Variants in CACNB2 observed in about 807,000 individuals in gnomAD.
The protein encoded by CACNB2 is calcium voltage-gated channel auxiliary subunit beta 2, also known as voltage-dependent L-type calcium channel subunit beta-2.
Under a neutral mutation model 73.3 loss-of-function variants are expected in CACNB2, and 42 were observed. The ratio of observed to expected loss-of-function variants is 0.57; its 90% CI spans 0.45 to 0.74. The LOEUF (loss-of-function observed/expected upper bound fraction) is 0.74, where lower values mean the gene tolerates loss of function less well. Ranked by LOEUF, CACNB2 falls within the 30% of genes least tolerant of loss-of-function variation. The pLI, the probability that CACNB2 is intolerant of heterozygous loss-of-function variation, is 0.00. For missense variants in CACNB2, 940 were observed against 853.0 expected (o/e 1.10, Z -1.27); for synonymous variants, 348 against 310.3 (o/e 1.12, Z -1.28).
At chr10:18,227,074 T>A (rs1468025796) in intron 2 of CACNB2, among the ~76,000 whole-genome samples, 1 of 152,176 alleles carries the variant, frequency 6.6e-6, no homozygotes, top group Non-Finnish European at 1.5e-5. Context: ...ATCTCCCTTC[T>A]GAAAAGACCA....
chr10:18,416,899 T>A (rs1042310394), intron 3 of CACNB2, among the ~76,000 whole-genome samples: 8 of 151,496 alleles, frequency 5.3e-5, no homozygotes, highest in African/African-American at 1.9e-4. Context: ...TTGCCCAAGC[T>A]CACTGAGCTC....
chr10:18,477,098 T>A (rs2048481459), intron 3 of CACNB2, among the ~76,000 whole-genome samples: 1 of 152,088 alleles, frequency 6.6e-6, no homozygotes, highest in South Asian at 2.1e-4. Flanking sequence ...TAGCCTTTGG[T>A]CCTTTTGTTA....
In CACNB2 at chr10:18,172,075, A is replaced by G. The variant is rs191446164; in HGVS notation, c.213+21100A>G. ...AGGATCTTGGCATGTTTCAAGGGCA[A>G]AAAGTGGTGGGGCACAGTGTCCCAG... On this transcript the variant is annotated intron_variant, in intron 2 of 13. Coordinates refer to ENST00000324631, the MANE Select transcript of CACNB2 (RefSeq NM_201596.3). 2.9e-3 allele frequency among the ~76,000 whole-genome samples: 440 copies of G among 152,288 alleles called. 1 individual carries two copies. Among genetic ancestry groups the G allele is most frequent in the Non-Finnish European group, 5.1e-3 (348 of 68,016 alleles).
chr10:18,236,489 G>C (rs889994272), intron 2 of CACNB2, among the ~76,000 whole-genome samples: 13 of 152,204 alleles, frequency 8.5e-5, no homozygotes, highest in African/African-American at 2.9e-4. Context: ...TCTTATCTTA[G>C]TTGTATTTCC....
At chr10:18,482,354 G>C (rs1369847017) in intron 3 of CACNB2, among the ~76,000 whole-genome samples, 1 of 152,130 alleles carries the variant, frequency 6.6e-6, no homozygotes, top group Non-Finnish European at 1.5e-5. Flanking sequence ...TCTGTATACT[G>C]CCACAGGTAT....
chr10:18,437,411 G>C lies in CACNB2; in HGVS notation c.333+35368G>C, dbSNP rs564690516. On this transcript the variant is annotated intron_variant, in intron 3 of 13. Coordinates refer to ENST00000324631, the MANE Select transcript of CACNB2 (RefSeq NM_201596.3). ...TTTTGACTCCTAAAAAAACCAAATA[G>C]CGTATCGTTGACCCAAAGCTTTACC... is the stretch of plus-strand genomic sequence containing the variant. Among the ~76,000 whole-genome samples, 167 of 152,282 alleles carry C rather than the reference G, an allele frequency of 1.1e-3. 1 individual carries two copies. The highest frequency in any genetic ancestry group is 3.5e-3 in the African/African-American group (146 of 41,556).
At chr10:18,484,537 A>C (rs910050751) in intron 3 of CACNB2, among the ~76,000 whole-genome samples, 7 of 152,234 alleles carry the variant, frequency 4.6e-5, no homozygotes, top group African/African-American at 1.7e-4. Flanking sequence ...GCAGCTACAC[A>C]AAAGATGTAG....
At chr10:18,421,309 T>G (rs926765196) in intron 3 of CACNB2, among the ~76,000 whole-genome samples, 2 of 152,014 alleles carry the variant, frequency 1.3e-5, no homozygotes, top group African/African-American at 4.8e-5. Context: ...TTGTTTTTTT[T>G]TTTCTAAGAC....
intron 2 of CACNB2, among the ~76,000 whole-genome samples, chr10:18,244,168 A>G (rs2036772751): frequency 1.3e-5 from 2 of 152,188 alleles, no homozygotes; most frequent in Non-Finnish European, 2.9e-5. Flanking sequence ...TACTGCAATG[A>G]TGTTGGCTAT....
intron 2 of CACNB2, among the ~76,000 whole-genome samples, chr10:18,256,140 T>C (rs537898510): frequency 6.6e-6 from 1 of 152,342 alleles, no homozygotes; most frequent in South Asian, 2.1e-4. Context: ...TCATTGAGCC[T>C]CTTCTTAACG....
At chr10:18,362,503 A>G (rs1290519585) in intron 2 of CACNB2, among the ~76,000 whole-genome samples, 1 of 152,176 alleles carries the variant, frequency 6.6e-6, no homozygotes, top group Non-Finnish European at 1.5e-5. Context: ...ATTTTAGAGA[A>G]TGGACACAGA....
intron 3 of CACNB2, among the ~76,000 whole-genome samples, chr10:18,441,901 G>A (rs922530821): frequency 1.1e-4 from 17 of 152,196 alleles, no homozygotes; most frequent in Non-Finnish European, 1.6e-4. Context: ...GATTACAGGC[G>A]TTAGTCACCG....
chr10:18,511,675 T>A (rs1436044325), intron 6 of CACNB2, among the ~76,000 whole-genome samples: 1 of 152,222 alleles, frequency 6.6e-6, no homozygotes, highest in Non-Finnish European at 1.5e-5. Flanking sequence ...TGACTGATTC[T>A]TAACCGTAGA....
rs1015961806 is a variant in CACNB2 at position 18,496,503 on chromosome 10, C to G, written c.334-1852C>G. ...AAACTGCTCCCTTCTCCTGAGAGGT[C>G]GAAATAATTTTTTTAAAGAATAGGT... On this transcript the variant is annotated intron_variant, in intron 3 of 13. Coordinates refer to ENST00000324631, the MANE Select transcript of CACNB2 (RefSeq NM_201596.3). Among the ~76,000 whole-genome samples the G allele has an allele frequency of 4.3e-4, 65 of 152,112 alleles. 1 individual carries two copies. Among genetic ancestry groups the G allele is most frequent in the African/African-American group, 1.5e-3 (62 of 41,518 alleles).
chr10:18,236,222 A>G (rs2036438206), intron 2 of CACNB2, among the ~76,000 whole-genome samples: 1 of 152,092 alleles, frequency 6.6e-6, no homozygotes, highest in African/African-American at 2.4e-5. Flanking sequence ...AGGACCCCAC[A>G]CCTGGCTGAT....
chr10:18,174,649 C>T (rs190722705), intron 2 of CACNB2, among the ~76,000 whole-genome samples: 7 of 152,180 alleles, frequency 4.6e-5, no homozygotes, highest in African/African-American at 1.4e-4. Flanking sequence ...AGTGATCCAC[C>T]CGCCTTGGCC....
intron 4 of CACNB2, 68 bp from the exon 5 acceptor site, chr10:18,500,744 A>T: frequency 1.3e-6 from 2 of 1,488,750 alleles, no homozygotes; most frequent in Admixed American, 3.3e-5. Flanking sequence ...TCGACTGAAA[A>T]TAGTGTGGAA....
intron 6 of CACNB2, among the ~76,000 whole-genome samples, chr10:18,510,406 G>C (rs921262964): frequency 7.9e-5 from 12 of 152,074 alleles, no homozygotes; most frequent in African/African-American, 2.7e-4. Flanking sequence ...AGGTTCAAGT[G>C]ATTCTCCCAC....
At chr10:18,489,685 C>G (rs1042444345) in intron 3 of CACNB2, among the ~76,000 whole-genome samples, 2 of 152,140 alleles carry the variant, frequency 1.3e-5, no homozygotes, top group African/African-American at 2.4e-5. Flanking sequence ...TTGTTTGTCC[C>G]TTGGCCGACA....
Sources: allele counts gnomAD v4.1 joint callset (sites outside exome capture counted in the v4.1 genomes callset), GRCh38; gene constraint gnomAD v4.1.1; transcripts MANE v1.5; gene names NCBI Gene and HGNC (gene_info 2026-07-23, HGNC 2026-07-21).